The following SHROOM4 variants were observed in gnomAD, a reference collection of about 807,000 sequenced individuals.
SHROOM4 encodes the protein shroom family member 4, also known as protein Shroom4.
SHROOM4 carries 17 observed loss-of-function variants against 80.3 expected under a neutral mutation model. The observed-to-expected ratio is 0.21, with a 90% CI of 0.14 to 0.32. The LOEUF (loss-of-function observed/expected upper bound fraction) is 0.32. Among genes scored for constraint, SHROOM4 ranks in the 10% least tolerant of loss-of-function variants. SHROOM4 has a pLI of 1.00. For synonymous variants in SHROOM4, 400 were observed against 437.5 expected (o/e 0.91, Z 1.07); for missense variants, 993 against 1,140.3 (o/e 0.87, Z 1.86).
At chrX:50,813,166 C>CGGCGGCGGCAGT (rs2086699702) in intron 1 of SHROOM4, among the ~76,000 whole-genome samples, 1 of 107,845 alleles carries the variant, frequency 9.3e-6, no homozygotes, top group Admixed American at 9.8e-5. Flanking sequence ...GCAGTGGCGG[C>CGGCGGCGGCAGT]GGCGGCGGCG....
intron 4 of SHROOM4, 84 bp from the exon 5 acceptor site, chrX:50,627,759 C>T (rs1930866688): frequency 1.3e-6 from 1 of 797,626 alleles, no homozygotes; most frequent in Non-Finnish European, 1.9e-6. Flanking sequence ...AGGTCAGGAG[C>T]CGGTGTCTGG....
intron 2 of SHROOM4, among the ~76,000 whole-genome samples, chrX:50,681,961 G>A (rs1557261841): frequency 2.7e-5 from 3 of 111,348 alleles, no homozygotes; most frequent in Admixed American, 9.5e-5. Context: ...CCATCCCAAT[G>A]GCTTCAATTA....
At chrX:50,609,072 A>T (rs1348390439) in intron 5 of SHROOM4, among the ~76,000 whole-genome samples, 3 of 110,432 alleles carry the variant, frequency 2.7e-5, no homozygotes, top group Non-Finnish European at 5.7e-5. Flanking sequence ...AGACTAGCCT[A>T]GGCAACATAG....
rs187450770 is a variant in SHROOM4, at chrX:50,699,654, G to A, written c.118-3717C>T. 1.5e-4 allele frequency among the ~76,000 whole-genome samples: 17 copies of A among 112,136 alleles called. No individual in the cohort carries two copies. The East Asian group carries it at 4.5e-3, about 30-fold the overall frequency. On this transcript the variant is annotated intron_variant, in intron 1 of 8. Coordinates refer to ENST00000376020, the MANE Select transcript of SHROOM4 (RefSeq NM_020717.5). ...CCCAGTCAGGACACTGAGAGAAAGAGATTCCTGAAGCCCTATTTTGTGCTA... is the reference window on the plus strand; with the variant it reads ...CCCAGTCAGGACACTGAGAGAAAGAAATTCCTGAAGCCCTATTTTGTGCTA...
At chrX:50,788,726 T>C (rs1299312650) in intron 1 of SHROOM4, among the ~76,000 whole-genome samples, 1 of 111,303 alleles carries the variant, frequency 9.0e-6, no homozygotes, top group Admixed American at 9.5e-5. Flanking sequence ...TTGAGAGATA[T>C]AGAGTGAGTG....
intron 7 of SHROOM4, among the ~76,000 whole-genome samples, chrX:50,601,520 T>C (rs1450450613): frequency 8.9e-6 from 1 of 112,040 alleles, no homozygotes; most frequent in Non-Finnish European, 1.9e-5. Context: ...ACAATTTACA[T>C]TGAGTTTAGA....
At chrX:50,625,062 C>T (rs782653644) in intron 5 of SHROOM4, among the ~76,000 whole-genome samples, 1 of 111,505 alleles carries the variant, frequency 9.0e-6, no homozygotes, top group Non-Finnish European at 1.9e-5. Context: ...TCATATATTG[C>T]TAATGGCATG....
chrX:50,607,274 G>T, intron 6 of SHROOM4, 107 bp downstream of exon 6: 1 of 887,841 alleles, frequency 1.1e-6, no homozygotes. Flanking sequence ...GCTGGGAGCA[G>T]TTTAACTGGC....
At chrX:50,616,390 T>C (rs2147252491) in intron 5 of SHROOM4, among the ~76,000 whole-genome samples, 1 of 111,707 alleles carries the variant, frequency 9.0e-6, no homozygotes, top group South Asian at 3.8e-4. Flanking sequence ...TAGTCTAGGG[T>C]AGTTGTGTTC....
chrX:50,633,222 A>C lies in SHROOM4; in HGVS notation c.2851T>G (p.Leu951Val), dbSNP rs1931144727. ...GGTTTCCAAGTGTTGCCAGGTGCCA[A>C]GCTGCTGTCCTCGAGGGCACTGTGC... is the stretch of plus-strand genomic sequence containing the variant. ...PQHSALEDSS[L>V]APGNTWKPRK... is the part of the protein sequence containing the mutation. Residue 951 changes from leucine (L) to valine (V), a missense_variant, in exon 4 of 9, where the codon TTG (leucine) becomes GTG (valine). Coordinates refer to ENST00000376020, the MANE Select transcript of SHROOM4 (RefSeq NM_020717.5). 1 of 1,209,873 alleles carries C rather than the reference A, an allele frequency of 8.3e-7. No homozygotes were observed. The highest frequency in any genetic ancestry group is 2.2e-5 in the Admixed American group (1 of 45,763).
At chrX:50,661,750 T>G (rs1932519437) in intron 2 of SHROOM4, among the ~76,000 whole-genome samples, 1 of 111,878 alleles carries the variant, frequency 8.9e-6, no homozygotes, top group African/African-American at 3.2e-5. Flanking sequence ...GTCTTACATA[T>G]GTACTTCAGA....
In SHROOM4 at chrX:50,696,087, C is replaced by G. The variant is rs782459835; in HGVS notation, c.118-150G>C. 1.7e-4 allele frequency: 102 copies of G among 592,172 alleles called. No individual in the cohort carries two copies. In the African/African-American group the frequency reaches 1.9e-3, roughly 11 times the overall value. The allele number at this position is 592,172 out of a possible 1,213,427, so 48.8% of individuals were successfully genotyped here. On this transcript the variant is annotated intron_variant, in intron 1 of 8. Transcript: ENST00000376020. Reference sequence around the variant, plus strand: ...AGTAGCTCAGGAGCTGATCACAGGTCATTATTTACTGAAGGCAAAGCTTGG... The same window carrying G: ...AGTAGCTCAGGAGCTGATCACAGGTGATTATTTACTGAAGGCAAAGCTTGG...
chrX:50,620,449 C>T (rs1472605112), intron 5 of SHROOM4, among the ~76,000 whole-genome samples: 8 of 111,621 alleles, frequency 7.2e-5, no homozygotes, highest in Non-Finnish European at 1.5e-4. Flanking sequence ...CTACTATGAA[C>T]ATCTTTAAAT....
At chrX:50,605,895 T>C (rs1467225750) in intron 6 of SHROOM4, among the ~76,000 whole-genome samples, 1 of 112,380 alleles carries the variant, frequency 8.9e-6, no homozygotes, top group African/African-American at 3.2e-5. Context: ...CATTCATTTA[T>C]TTGTTCTTTC....
At chrX:50,700,830 T>C (rs890632241) in intron 1 of SHROOM4, among the ~76,000 whole-genome samples, 7 of 112,168 alleles carry the variant, frequency 6.2e-5, no homozygotes, top group Middle Eastern at 4.2e-3. Context: ...TCAATGAGAA[T>C]TGAAAAACAA....
intron 1 of SHROOM4, among the ~76,000 whole-genome samples, chrX:50,761,118 A>G (rs782766159): frequency 9.0e-6 from 1 of 111,338 alleles, no homozygotes; most frequent in East Asian, 2.8e-4. Flanking sequence ...GGTTTGTTAT[A>G]CAGATTATTT....
At chrX:50,645,315 C>A (rs1485338105) in intron 2 of SHROOM4, among the ~76,000 whole-genome samples, 1 of 112,038 alleles carries the variant, frequency 8.9e-6, no homozygotes, top group Non-Finnish European at 1.9e-5. Context: ...GCCTGGGTGT[C>A]CGGCCGCCCT....
intron 1 of SHROOM4, among the ~76,000 whole-genome samples, chrX:50,773,141 T>C (rs1172016615): frequency 1.8e-5 from 2 of 112,296 alleles, no homozygotes; most frequent in African/African-American, 3.2e-5. Context: ...ATCTTATGAG[T>C]ACTACTATTA....
At position 50,796,592 on chromosome X, in the gene SHROOM4, T is replaced by C. The variant is rs184508469; in HGVS notation, c.117+17310A>G. Among the ~76,000 whole-genome samples the C allele has an allele frequency of 5.4e-5, 6 of 111,607 alleles. No homozygotes were observed. In the East Asian group the frequency reaches 8.4e-4, roughly 16 times the overall value. On this transcript the variant is annotated intron_variant, in intron 1 of 8. Coordinates refer to ENST00000376020, the MANE Select transcript of SHROOM4 (RefSeq NM_020717.5). Reference sequence around the variant, plus strand: ...TGAACCAGTCAGTCCAGCTTCCTCATTGTATAGAAAGGGAAACTAAAATTC... The same window carrying C: ...TGAACCAGTCAGTCCAGCTTCCTCACTGTATAGAAAGGGAAACTAAAATTC...
Sources: gnomAD v4.1 joint callset for allele counts (sites outside exome capture counted in the v4.1 genomes callset) on GRCh38, gnomAD v4.1.1 for gene constraint, MANE v1.5 for transcripts, NCBI Gene and HGNC (gene_info 2026-07-23, HGNC 2026-07-21) for gene names.